Variants in SRSF1 observed in about 807,000 individuals in gnomAD.
SRSF1 encodes the protein serine/arginine-rich splicing factor 1.
SRSF1 carries 1 observed loss-of-function variant against 25.9 expected under a neutral mutation model. That is an observed-to-expected ratio of 0.04 (90% CI 0.01 to 0.18). The LOEUF (loss-of-function observed/expected upper bound fraction) is 0.18, where lower values mean the gene tolerates loss of function less well. Among genes scored for constraint, SRSF1 ranks in the 10% least tolerant of loss-of-function variants. SRSF1 has a pLI of 1.00. For synonymous variants in SRSF1, 132 were observed against 126.2 expected, an observed-to-expected ratio of 1.05 and a Z score of -0.31; for missense variants, 65 against 350.5, an observed-to-expected ratio of 0.19 and a Z score of 6.50.
chr17:58,005,799 A>G lies in SRSF1; in HGVS notation c.552+2T>C. The G allele has an allele frequency of 6.2e-7, 1 of 1,614,150 alleles. No individual in the cohort carries two copies. ...AAAGAAAAGAATACGTGTATAACCT[A>G]CCTCATGAGATCTAAACTTAGTGTT... On this transcript the variant is annotated splice_donor_variant, in intron 3 of 3. Transcript: ENST00000258962. LOFTEE classifies it high-confidence loss of function. The surrounding 1 kb of genome is among the most constrained non-coding windows in gnomAD (Gnocchi z 5.2).
chr17:58,005,673 A>G lies in SRSF1; in HGVS notation c.553-73T>C. ...ATCTTCAGACATGCTGAATGAATACAATGTAACTAAAACCAGAAATCTGGC... is the reference window on the plus strand; with the variant it reads ...ATCTTCAGACATGCTGAATGAATACGATGTAACTAAAACCAGAAATCTGGC... On this transcript the variant is annotated intron_variant, in intron 3 of 3. Transcript: ENST00000258962. The surrounding 1 kb of genome is among the most constrained non-coding windows in gnomAD (Gnocchi z 5.2). The G allele has an allele frequency of 1.2e-6, 2 of 1,608,218 alleles. No homozygotes were observed. The highest frequency in any genetic ancestry group is 1.7e-6 in the Non-Finnish European group (2 of 1,176,286).
At chr17:57,989,472 C>T in the SRSF1 span, 1 of 397,620 alleles carries the variant, frequency 2.5e-6, no homozygotes, top group Non-Finnish European at 4.4e-6. Flanking sequence ...CATTTATCCC[C>T]CTCCAGACAC....
At chr17:57,997,125 T>G (rs1217856202), downstream of SRSF1, among the ~76,000 whole-genome samples, 1 of 152,238 alleles carries the variant, frequency 6.6e-6, no homozygotes, top group Non-Finnish European at 1.5e-5. Context: ...TCATCAATTC[T>G]TGGTGATCTG....
At position 58,005,624 on chromosome 17, in the gene SRSF1, A is replaced by G. The variant is rs1335505223; in HGVS notation, c.553-24T>C. The G allele has an allele frequency of 6.2e-7, 1 of 1,612,554 alleles. No homozygotes were observed. Among genetic ancestry groups the G allele is most frequent in the Non-Finnish European group, 8.5e-7 (1 of 1,178,726 alleles). ...CCCTATTGGATAGACAGAACTTTCC[A>G]TTGAAAGATCTAAGCTTTCATCTAT... On this transcript the variant is annotated intron_variant, in intron 3 of 3. Transcript: ENST00000258962. The surrounding 1 kb of genome is among the most constrained non-coding windows in gnomAD (Gnocchi z 5.2).
At position 58,003,103 on chromosome 17, in the gene SRSF1, G is replaced by A. The variant is rs1393727637; in HGVS notation, c.*2303C>T. 1.3e-5 allele frequency among the ~76,000 whole-genome samples: 2 copies of A among 152,126 alleles called. No individual in the cohort carries two copies. The highest frequency in any genetic ancestry group is 1.3e-4 in the Admixed American group (2 of 15,266). On this transcript the variant is annotated 3_prime_UTR_variant, in exon 4 of 4. Transcript: ENST00000258962. ...ATGAGTTTCATTGAGAATATCAAAAGCTATCTCCAAGTGAACATTAGTAGC... is the reference window on the plus strand; with the variant it reads ...ATGAGTTTCATTGAGAATATCAAAAACTATCTCCAAGTGAACATTAGTAGC...
chr17:58,004,865 T>C lies in SRSF1; in HGVS notation c.*541A>G. The C allele has an allele frequency of 2.5e-6, 1 of 398,904 alleles. No individual in the cohort carries two copies. The highest frequency in any genetic ancestry group is 4.4e-6 in the Non-Finnish European group (1 of 226,048). The allele number at this position is 398,904 out of a possible 1,614,324, so 24.7% of individuals were successfully genotyped here. ...ATATAATCATTTTTAACCCCTGCCTTTTAGTATAAGGTCAATACTGCCAAT... is the reference window on the plus strand; with the variant it reads ...ATATAATCATTTTTAACCCCTGCCTCTTAGTATAAGGTCAATACTGCCAAT... On this transcript the variant is annotated 3_prime_UTR_variant, in exon 4 of 4. Transcript: ENST00000258962.
Position 58,005,197 on chromosome 17 carries a change from C to T in SRSF1, c.*209G>A, listed in dbSNP as rs1598060762. The T allele has an allele frequency of 1.7e-6, 1 of 600,080 alleles. No individual in the cohort carries two copies. Among genetic ancestry groups the T allele is most frequent in the East Asian group, 2.8e-5 (1 of 36,098 alleles). The allele number at this position is 600,080 out of a possible 1,614,324, so 37.2% of individuals were successfully genotyped here. On this transcript the variant is annotated 3_prime_UTR_variant, in exon 4 of 4. Coordinates refer to ENST00000258962, the MANE Select transcript of SRSF1 (RefSeq NM_006924.5). This position sits in a 1 kb window ranked among gnomAD's most constrained non-coding sequence, Gnocchi z 5.2. ...GAGTATGGAGTTAACTAAATTTAAA[C>T]AATCCTGTCTATGACATCACTTAAA...
chr17:57,993,263 G>A, the SRSF1 span: 1 of 152,362 alleles, frequency 6.6e-6, no homozygotes, highest in Non-Finnish European at 1.5e-5. Context: ...GGTGGTGGGA[G>A]TCTGTAGTCC....
the SRSF1 span, among the ~76,000 whole-genome samples, chr17:57,995,239 T>C: frequency 6.6e-6 from 1 of 152,248 alleles, no homozygotes; most frequent in East Asian, 1.9e-4. Context: ...GATCTGTTAC[T>C]AATACAAATT....
downstream of SRSF1, among the ~76,000 whole-genome samples, chr17:57,999,355 CCTT>C (rs1161442453): frequency 2.0e-5 from 3 of 152,134 alleles, no homozygotes; most frequent in Non-Finnish European, 2.9e-5. Flanking sequence ...ACATTCATGG[CCTT>C]ATTATTCCAT....
chr17:57,994,223 T>C, the SRSF1 span: 1 of 152,250 alleles, frequency 6.6e-6, no homozygotes, highest in African/African-American at 2.4e-5. Context: ...CAGTAATTTT[T>C]CCGTGGCCTC....
At position 58,001,002 on chromosome 17, in the gene SRSF1, G is replaced by T. The variant is rs995588491; in HGVS notation, c.*4404C>A. ...TTTTTGGATTTCAAAAAATGGATAA[G>T]AGACTGTAATCTGTTTTCTGCGTTT... On this transcript the variant is annotated 3_prime_UTR_variant, in exon 4 of 4. Transcript: ENST00000258962. 6.6e-6 allele frequency among the ~76,000 whole-genome samples: 1 copy of T among 152,152 alleles called. No individual in the cohort carries two copies. The highest frequency in any genetic ancestry group is 2.4e-5 in the African/African-American group (1 of 41,442).
chr17:57,995,244 C>T, the SRSF1 span, among the ~76,000 whole-genome samples: 2 of 152,160 alleles, frequency 1.3e-5, no homozygotes, highest in Non-Finnish European at 2.9e-5. Context: ...GTTACTAATA[C>T]AAATTTAAGT....
rs1327296266 is a variant in SRSF1, at chr17:58,002,419, T to C, written c.*2987A>G. Among the ~76,000 whole-genome samples the C allele has an allele frequency of 6.6e-6, 1 of 152,194 alleles. No individual in the cohort carries two copies. The highest frequency in any genetic ancestry group is 1.5e-5 in the Non-Finnish European group (1 of 68,030). ...CCCAAATAATCACCTTAAATTCAAC[T>C]TCCAACTATGATTAGCACCCAAGGG... On this transcript the variant is annotated 3_prime_UTR_variant, in exon 4 of 4. Transcript: ENST00000258962.
the SRSF1 span, chr17:57,989,608 G>C: frequency 2.5e-6 from 1 of 398,356 alleles, no homozygotes; most frequent in Non-Finnish European, 4.4e-6. Context: ...CCATCCACTA[G>C]ACAAGAATAC....
At chr17:58,006,275 T>G in intron 2 of SRSF1, 68 bp downstream of exon 2, 1 of 1,521,302 alleles carries the variant, frequency 6.6e-7, no homozygotes, top group Non-Finnish European at 8.8e-7. Context: ...ATTAAACCTG[T>G]CACGCAAGAG....
chr17:58,006,683 C>G lies in SRSF1; in HGVS notation c.195-156G>C, dbSNP rs536169796. The G allele has an allele frequency of 6.1e-6, 6 of 978,820 alleles. No homozygotes were observed. The African/African-American group carries it at 9.9e-5, about 16-fold the overall frequency. 60.6% of individuals were successfully genotyped at this position (978,820 alleles called of 1,614,324 possible). A position where few individuals can be genotyped will look rare whatever the true frequency, so the allele number is the denominator to read the frequency against. On this transcript the variant is annotated intron_variant, in intron 1 of 3. Transcript: ENST00000258962. Reference sequence around the variant, plus strand: ...GGCCCCTCCCCCACCCAGAAACACGCCAGGCTCCCAACCACTACACCAGCC... The same window carrying G: ...GGCCCCTCCCCCACCCAGAAACACGGCAGGCTCCCAACCACTACACCAGCC...
chr17:58,000,878 G>GAA (rs1184354483), downstream of SRSF1, among the ~76,000 whole-genome samples: 1 of 152,158 alleles, frequency 6.6e-6, no homozygotes. Flanking sequence ...AGTTCAACAG[G>GAA]AAACAGTTTA....
At chr17:57,994,301 T>C in the SRSF1 span, 1 of 152,218 alleles carries the variant, frequency 6.6e-6, no homozygotes, top group Non-Finnish European at 1.5e-5. Context: ...CTATACACTT[T>C]AGCTGAGGTG....
Sources: gnomAD v4.1 joint callset for allele counts (sites outside exome capture counted in the v4.1 genomes callset) on GRCh38, gnomAD v4.1.1 for gene constraint, Gnocchi (gnomAD v3.1) non-coding constraint, MANE v1.5 for transcripts, NCBI Gene and HGNC (gene_info 2026-07-23, HGNC 2026-07-21) for gene names.